DCHS1: variants seen among roughly 807,000 people sequenced by gnomAD.
DCHS1 encodes dachsous cadherin-related 1, also known as protocadherin-16.
Under a neutral mutation model 213.9 loss-of-function variants are expected in DCHS1, and 78 were observed. The ratio of observed to expected loss-of-function variants is 0.36; its 90% CI spans 0.30 to 0.44. The LOEUF is 0.44. Among genes scored for constraint, DCHS1 ranks in the 20% least tolerant of loss-of-function variants. DCHS1 has a pLI of 1.00. For synonymous variants in DCHS1, 1,828 were observed against 1,873.7 expected (o/e 0.98, Z 0.63); for missense variants, 3,946 against 4,395.9 (o/e 0.90, Z 2.89).
chr11:6,623,942 C>T lies in DCHS1; in HGVS notation c.7734G>A (p.Gly2578=). 6.2e-7 allele frequency: 1 copy of T among 1,606,324 alleles called. No homozygotes were observed. The highest frequency in any genetic ancestry group is 1.3e-5 in the African/African-American group (1 of 74,872). Reference sequence around the variant, plus strand: ...GCACGACTGAGCTTTGGGGTGGCTGCCCACGGTCAGCTGCAGCCACTGTTA... The same window carrying T: ...GCACGACTGAGCTTTGGGGTGGCTGTCCACGGTCAGCTGCAGCCACTGTTA... ...YNLTVAAADR[G]QPPQSSVVPV... Residue 2578 remains glycine (G), a synonymous_variant, in exon 21 of 21, where the codon GGG becomes GGA. Transcript: ENST00000299441.
At chr11:6,649,331 G>A (rs1856211428) in intron 1 of DCHS1, among the ~76,000 whole-genome samples, 2 of 151,860 alleles carry the variant, frequency 1.3e-5, no homozygotes, top group Non-Finnish European at 2.9e-5. Flanking sequence ...AAGCAGGGAA[G>A]GAGAATGATC....
intron 1 of DCHS1, among the ~76,000 whole-genome samples, chr11:6,642,555 C>A (rs947497559): frequency 4.6e-5 from 6 of 131,424 alleles, no homozygotes; most frequent in African/African-American, 1.7e-4. Context: ...GAGAAAAGGA[C>A]ATTCTAGAAG....
Position 6,629,722 on chromosome 11 carries a change from T to C in DCHS1, c.4985A>G (p.Asn1662Ser), listed in dbSNP as rs2134623863. The C allele has an allele frequency of 6.2e-7, 1 of 1,613,694 alleles. No individual in the cohort carries two copies. Among genetic ancestry groups the C allele is most frequent in the Non-Finnish European group, 8.5e-7 (1 of 1,179,826 alleles). Residue 1662 changes from asparagine to serine, a missense_variant, in exon 11 of 21, where the codon AAC becomes AGC. Transcript: ENST00000299441. Reference sequence around the variant, plus strand: ...GGTGAGCAGAGATGTGCCAGGAGGGTTGTTCTCACGCAAGAGGACGCTGTA... The same window carrying C: ...GGTGAGCAGAGATGTGCCAGGAGGGCTGTTCTCACGCAAGAGGACGCTGTA... ...QEYSVLLREN[N>S]PPGTSLLTLR...
intron 2 of DCHS1, among the ~76,000 whole-genome samples, chr11:6,638,448 G>T (rs185249365): frequency 2.5e-4 from 38 of 152,204 alleles, no homozygotes; most frequent in Admixed American, 2.4e-3. Context: ...CATCTCCCCC[G>T]ACTCTTTCTC....
Position 6,641,705 on chromosome 11 carries a change from G to T in DCHS1, c.-92C>A. ...CAGACTTTGGGTCAGGTCCCACTGG[G>T]GCCCTGGCTCCAGCTCAGGCTCCCT... On this transcript the variant is annotated 5_prime_UTR_variant, in exon 2 of 21. Transcript: ENST00000299441. The surrounding 1 kb of genome is among the most constrained non-coding windows in gnomAD (Gnocchi z 7.1). The T allele has an allele frequency of 6.9e-7, 1 of 1,450,138 alleles. No homozygotes were observed. Among genetic ancestry groups the T allele is most frequent in the Non-Finnish European group, 9.1e-7 (1 of 1,101,476 alleles). The allele number at this position is 1,450,138 out of a possible 1,614,324, so 89.8% of individuals were successfully genotyped here.
In DCHS1 at chr11:6,641,250, G is replaced by A; in HGVS notation, c.364C>T (p.Pro122Ser). ...GTAACTTCTACGGTGGCACCATCAG[G>A]AGTGACTGCAGTGAAGCGGTAGCGG... ...RDRYRFTAVT[P>S]DGATVEVTVR... The change falls in exon 2 of 21, where the codon CCT (proline) becomes TCT (serine). Residue 122 changes from proline to serine, a missense_variant. By Grantham distance (74) the Pro-to-Ser change is moderately conservative. Coordinates refer to ENST00000299441, the MANE Select transcript of DCHS1 (RefSeq NM_003737.4). This position sits in a 1 kb window ranked among gnomAD's most constrained non-coding sequence, Gnocchi z 7.1. The A allele has an allele frequency of 6.2e-7, 1 of 1,613,748 alleles. No individual in the cohort carries two copies. Among genetic ancestry groups the A allele is most frequent in the Non-Finnish European group, 8.5e-7 (1 of 1,179,892 alleles).
At chr11:6,629,413 A>G in intron 12 of DCHS1, 39 bp downstream of exon 12, 2 of 1,608,394 alleles carry the variant, frequency 1.2e-6, no homozygotes, top group Non-Finnish European at 1.7e-6. Flanking sequence ...GGTGTTTACA[A>G]CACCTCACTC....
Position 6,629,848 on chromosome 11 carries a change from A to G in DCHS1, c.4859T>C (p.Val1620Ala). The G allele has an allele frequency of 6.2e-7, 1 of 1,613,104 alleles. No individual in the cohort carries two copies. Among genetic ancestry groups the G allele is most frequent in the Non-Finnish European group, 8.5e-7 (1 of 1,179,878 alleles). Residue 1620 changes from valine to alanine, a missense_variant, in exon 11 of 21, where the codon GTG (valine) becomes GCG (alanine). This residue lies in a region of DCHS1 where 3,384 missense variants were observed against 3,780.1 expected (regional missense o/e 0.90). Coordinates refer to ENST00000299441, the MANE Select transcript of DCHS1 (RefSeq NM_003737.4). The part of the protein sequence containing the change: ...EQRAEHVLTV[V>A]ASDHGSPPRS... ...CGGCGGGGAGCCGTGGTCTGAGGCCACCACTGTCAGTACGTGCTCAGCTCG... is the reference window on the plus strand; with the variant it reads ...CGGCGGGGAGCCGTGGTCTGAGGCCGCCACTGTCAGTACGTGCTCAGCTCG...
At chr11:6,648,684 G>C (rs1305208691) in intron 1 of DCHS1, among the ~76,000 whole-genome samples, 1 of 152,216 alleles carries the variant, frequency 6.6e-6, no homozygotes, top group Non-Finnish European at 1.5e-5. Context: ...AAGCCAGCTG[G>C]ATTTGGTTCC....
chr11:6,621,769 T>A lies in DCHS1; in HGVS notation c.*10A>T, dbSNP rs768575189. ...GCGCATCCCAGGTCGGGGCCCAGCC[T>A]GGGCCACAGCTAGATGTGCAGCTCC... On this transcript the variant is annotated 3_prime_UTR_variant, in exon 21 of 21. Coordinates refer to ENST00000299441, the MANE Select transcript of DCHS1 (RefSeq NM_003737.4). The A allele has an allele frequency of 6.4e-7, 1 of 1,569,622 alleles. No individual in the cohort carries two copies. The highest frequency in any genetic ancestry group is 1.9e-5 in the Admixed American group (1 of 53,632).
At position 6,630,125 on chromosome 11, in the gene DCHS1, C is replaced by T. The variant is rs1176921098; in HGVS notation, c.4669G>A (p.Asp1557Asn). 6.2e-7 allele frequency: 1 copy of T among 1,605,598 alleles called. No homozygotes were observed. The highest frequency in any genetic ancestry group is 1.7e-5 in the Admixed American group (1 of 59,280). Residue 1557 changes from aspartate (D) to asparagine (N), a missense_variant, in exon 10 of 21, where the codon GAC becomes AAC. Transcript: ENST00000299441. ...AGGGCCGCGGGCCCAGGCGGCTGGTCCTCTGGGAGGCGCACGCGTGACGGC... is the reference window on the plus strand; with the variant it reads ...AGGGCCGCGGGCCCAGGCGGCTGGTTCTCTGGGAGGCGCACGCGTGACGGC... Reference protein sequence around the residue: ...ASPSRVRLPEDQPPGPAALHV... With the variant: ...ASPSRVRLPENQPPGPAALHV...
rs140183045 is a variant in DCHS1 at position 6,640,090 on chromosome 11, G to A, written c.1524C>T (p.Val508=). ...RDPDQGTNGQ[V]TYSLAPGAHT... is the part of the protein sequence containing the mutation. ...GGGCGCCAGGGGCTAGGCTATAAGT[G>A]ACCTGACCATTGGTGCCTTGGTCAG... Residue 508 remains valine (V), a synonymous_variant, in exon 2 of 21, where the codon GTC becomes GTT. Transcript: ENST00000299441. This position sits in a 1 kb window ranked among gnomAD's most constrained non-coding sequence, Gnocchi z 6.5. The A allele has an allele frequency of 2.9e-4, 462 of 1,613,814 alleles. 3 individuals are homozygous for A. In the East Asian group the frequency reaches 3.5e-3, roughly 12 times the overall value.
intron 2 of DCHS1, among the ~76,000 whole-genome samples, chr11:6,637,643 T>A (rs1268681367): frequency 1.3e-5 from 2 of 151,900 alleles, no homozygotes; most frequent in Admixed American, 1.3e-4. Context: ...TTCCCCCATC[T>A]GATACTCTCA....
Position 6,643,960 on chromosome 11 carries a change from C to A in DCHS1, c.-120-2227G>T, listed in dbSNP as rs186696205. Among the ~76,000 whole-genome samples the A allele has an allele frequency of 2.4e-3, 364 of 152,314 alleles. 6 individuals are homozygous for A. Among genetic ancestry groups the A allele is most frequent in the African/African-American group, 8.6e-3 (356 of 41,560 alleles). On this transcript the variant is annotated intron_variant, in intron 1 of 20. Coordinates refer to ENST00000299441, the MANE Select transcript of DCHS1 (RefSeq NM_003737.4). The stretch of plus-strand genomic sequence containing the variant: ...CCTGATTTCCAATTAGTCATGTAAA[C>A]CCCACCACTTCAACTAGACATGTCT...
chr11:6,627,134 G>C lies in DCHS1; in HGVS notation c.5905C>G (p.Leu1969Val), dbSNP rs1316855294. The C allele has an allele frequency of 1.2e-6, 2 of 1,612,716 alleles. No homozygotes were observed. ...TFPTSPLRLR[L>V]PRPGPSFSTP... ...CTGAAGCTGGGGCCTGGGCGGGGCA[G>C]ACGTAGGCGCAGAGGACTGGTGGGG... The change falls in exon 14 of 21, where the codon CTG becomes GTG. Residue 1969 changes from leucine (L) to valine (V), a missense_variant. By Grantham distance (32) the Leu-to-Val change is conservative. Around this residue, in one of 3 missense-constraint regions of DCHS1, gnomAD observed 3,384 missense variants for 3,780.1 expected, o/e 0.90. Transcript: ENST00000299441. The surrounding 1 kb of genome is among the most constrained non-coding windows in gnomAD (Gnocchi z 5.4).
intron 2 of DCHS1, among the ~76,000 whole-genome samples, chr11:6,636,438 G>T (rs540947099): frequency 6.6e-6 from 1 of 152,168 alleles, no homozygotes; most frequent in South Asian, 2.1e-4. Flanking sequence ...TCAAACTCCT[G>T]GCCTCAACCA....
chr11:6,643,869 C>T (rs11603296), intron 1 of DCHS1, among the ~76,000 whole-genome samples: 13,903 of 152,228 alleles, frequency 0.091, 978 homozygotes, highest in East Asian at 0.26. Context: ...TGAATAGGGC[C>T]ACCATCCATC....
chr11:6,631,504 C>T (rs2134628758), intron 7 of DCHS1, 97 bp from the exon 8 acceptor site: 14 of 1,588,370 alleles, frequency 8.8e-6, no homozygotes, highest in South Asian at 3.3e-5. Flanking sequence ...AACCTCTTTT[C>T]GGCTCTCACA....
At position 6,626,264 on chromosome 11, in the gene DCHS1, G is replaced by T; in HGVS notation, c.6481C>A (p.Leu2161Met). 6.2e-7 allele frequency: 1 copy of T among 1,613,060 alleles called. No homozygotes were observed. Among genetic ancestry groups the T allele is most frequent in the Non-Finnish European group, 8.5e-7 (1 of 1,179,486 alleles). The change falls in exon 16 of 21, where the codon CTG becomes ATG. Residue 2161 changes from leucine to methionine, a missense_variant. By Grantham distance (15) the Leu-to-Met change is conservative (BLOSUM62 2). Around this residue, in one of 3 missense-constraint regions of DCHS1, gnomAD observed 3,384 missense variants for 3,780.1 expected, o/e 0.90. Coordinates refer to ENST00000299441, the MANE Select transcript of DCHS1 (RefSeq NM_003737.4). This position sits in a 1 kb window ranked among gnomAD's most constrained non-coding sequence, Gnocchi z 5.2. ...AFAFTVLTLT[L>M]QDANDNAPRF... is the part of the protein sequence containing the mutation. ...GGAGCATTGTCGTTGGCATCTTGCA[G>T]GGTCAGGGTCAGCACAGTGAAGGCA...
Sources: allele counts gnomAD v4.1 joint callset (sites outside exome capture counted in the v4.1 genomes callset), GRCh38; gene constraint gnomAD v4.1.1; regional missense constraint gnomAD v4.1.1; non-coding constraint Gnocchi (gnomAD v3.1); transcripts MANE v1.5; gene names NCBI Gene and HGNC (gene_info 2026-07-23, HGNC 2026-07-21).